TNFRSF10A: variants seen among roughly 807,000 people sequenced by gnomAD.
The protein encoded by TNFRSF10A is tumor necrosis factor receptor superfamily member 10A.
Under a neutral mutation model 42.8 loss-of-function variants are expected in TNFRSF10A, and 44 were observed. The ratio of observed to expected loss-of-function variants is 1.03; its 90% CI spans 0.81 to 1.32. TNFRSF10A has a LOEUF of 1.32. TNFRSF10A is among the 40% of genes most tolerant of loss of function. TNFRSF10A has a pLI of 0.00. For missense variants in TNFRSF10A, 680 were observed against 602.0 expected, an observed-to-expected ratio of 1.13 and a Z score of -1.36; for synonymous variants, 259 against 234.2, an observed-to-expected ratio of 1.11 and a Z score of -0.97.
chr8:23,201,775 A>T, intron 4 of TNFRSF10A, 33 bp downstream of exon 4: 1 of 1,597,478 alleles, frequency 6.3e-7, no homozygotes, highest in Non-Finnish European at 8.6e-7. Flanking sequence ...GGGTTCTTTG[A>T]GGCTGCTGGG....
intron 2 of TNFRSF10A, chr8:23,206,875 T>A (rs535276294): frequency 8.2e-6 from 2 of 245,292 alleles, no homozygotes; most frequent in Admixed American, 4.3e-5. Context: ...AGATTTTGAC[T>A]TAGTTATCAA....
At chr8:23,215,422 C>G (rs1244647364) in intron 1 of TNFRSF10A, among the ~76,000 whole-genome samples, 2 of 152,088 alleles carry the variant, frequency 1.3e-5, no homozygotes, top group Non-Finnish European at 2.9e-5. Flanking sequence ...GCAGGAGAAT[C>G]ACTTGAACCC....
Position 23,223,088 on chromosome 8 carries a change from C to A in TNFRSF10A, c.306+1668G>T, listed in dbSNP as rs138273504. On this transcript the variant is annotated intron_variant, in intron 1 of 9. Transcript: ENST00000221132. ...TTTTTATTTTTTTTCTTTTCCGAAA[C>A]GGAGTCTCCCTCTGTCGCCCAGGCT... is the stretch of plus-strand genomic sequence containing the variant. Among the ~76,000 whole-genome samples, 149 of 152,250 alleles carry A rather than the reference C, an allele frequency of 9.8e-4. 1 individual carries two copies. In the East Asian group the frequency reaches 0.022, roughly 23 times the overall value.
intron 1 of TNFRSF10A, among the ~76,000 whole-genome samples, chr8:23,215,300 G>A (rs1453678620): frequency 6.6e-6 from 1 of 152,122 alleles, no homozygotes. Flanking sequence ...GCGACCACCT[G>A]AGGTCAGGAG....
At chr8:23,203,302 A>G (rs1184383167) in intron 2 of TNFRSF10A, among the ~76,000 whole-genome samples, 1 of 152,186 alleles carries the variant, frequency 6.6e-6, no homozygotes, top group Non-Finnish European at 1.5e-5. Context: ...GGTCAGTAGA[A>G]GGTACAAACA....
chr8:23,197,135 C>T lies in TNFRSF10A; in HGVS notation c.1084G>A (p.Glu362Lys). 6.2e-7 allele frequency: 1 copy of T among 1,614,194 alleles called. No homozygotes were observed. Among genetic ancestry groups the T allele is most frequent in the Non-Finnish European group, 8.5e-7 (1 of 1,180,012 alleles). The part of the protein sequence containing the change: ...LVPANGADPT[E>K]TLMLFFDKFA... ...TCTCCAGGAGCAAAACACTTACTCT[C>T]AGTGGGGTCAGCACCATTTGCTGGA... Residue 362 changes from glutamate to lysine, a missense_variant, in exon 9 of 10, where the codon GAG becomes AAG. By Grantham distance (56) the Glu-to-Lys change is moderately conservative. Coordinates refer to ENST00000221132, the MANE Select transcript of TNFRSF10A (RefSeq NM_003844.4).
rs1482174117 is a variant in TNFRSF10A, at chr8:23,224,907, C to T, written c.155G>A (p.Arg52Gln). 6.3e-7 allele frequency: 1 copy of T among 1,595,302 alleles called. No homozygotes were observed. The highest frequency in any genetic ancestry group is 1.1e-5 in the South Asian group (1 of 88,418). Residue 52 changes from arginine (R) to glutamine (Q), a missense_variant, in exon 1 of 10, where the codon CGA (arginine) becomes CAA (glutamine). Coordinates refer to ENST00000221132, the MANE Select transcript of TNFRSF10A (RefSeq NM_003844.4). ...TCCCATGGAGGTAGGGAGCGCTCCT[C>T]GGCCCCCGCCTCGTGGTTCAATCCT... ...AGRIEPRGGG[R>Q]GALPTSMGQH...
intron 2 of TNFRSF10A, 92 bp downstream of exon 2, chr8:23,212,024 T>A: frequency 2.7e-6 from 3 of 1,131,818 alleles, no homozygotes; most frequent in Non-Finnish European, 2.6e-6. Flanking sequence ...GGAAAAGGAA[T>A]GTTATTGATG....
rs1363491670 is a variant in TNFRSF10A at position 23,199,501 on chromosome 8, G to T, written c.832-53C>A. ...AGCCCACACCCAGGGCTCCCCACGG[G>T]GTCCGTAGGGCACGGCTGGACCTGC... On this transcript the variant is annotated intron_variant, in intron 7 of 9. Transcript: ENST00000221132. The T allele has an allele frequency of 7.6e-6, 12 of 1,587,136 alleles. No homozygotes were observed. In the East Asian group the frequency reaches 1.1e-4, roughly 15 times the overall value.
chr8:23,224,638 G>T, intron 1 of TNFRSF10A, 118 bp downstream of exon 1: 1 of 1,334,604 alleles, frequency 7.5e-7, no homozygotes, highest in Non-Finnish European at 1.0e-6. Flanking sequence ...CCTCCTGCCC[G>T]GACATGCCCC....
At chr8:23,205,288 T>C (rs1563381190) in intron 2 of TNFRSF10A, among the ~76,000 whole-genome samples, 1 of 152,128 alleles carries the variant, frequency 6.6e-6, no homozygotes, top group Non-Finnish European at 1.5e-5. Context: ...CATAATATTA[T>C]AATGGAGGAG....
At chr8:23,204,927 T>C (rs1800983943) in intron 2 of TNFRSF10A, among the ~76,000 whole-genome samples, 1 of 152,036 alleles carries the variant, frequency 6.6e-6, no homozygotes, top group South Asian at 2.1e-4. Context: ...AAATTGTCTA[T>C]TAAGGAAGAA....
chr8:23,210,863 T>G (rs1388614954), intron 2 of TNFRSF10A, among the ~76,000 whole-genome samples: 1 of 152,052 alleles, frequency 6.6e-6, no homozygotes, highest in Non-Finnish European at 1.5e-5. Context: ...TTTTACTAAC[T>G]CCAACACCCT....
intron 1 of TNFRSF10A, among the ~76,000 whole-genome samples, chr8:23,218,161 T>TGC (rs1801210906): frequency 6.6e-6 from 1 of 150,538 alleles, no homozygotes; most frequent in Non-Finnish European, 1.5e-5. Context: ...TGTGTTTGTG[T>TGC]GTGTGAGAGA....
intron 2 of TNFRSF10A, 142 bp from the exon 3 acceptor site, chr8:23,202,903 A>G (rs1800954662): frequency 1.6e-5 from 10 of 610,318 alleles, no homozygotes; most frequent in South Asian, 1.5e-4. Context: ...CTTGTCGTCA[A>G]TTCTGCATCT....
intron 7 of TNFRSF10A, 71 bp from the exon 8 acceptor site, chr8:23,199,519 G>A: frequency 1.3e-6 from 2 of 1,551,416 alleles, no homozygotes; most frequent in Non-Finnish European, 1.8e-6. Context: ...GGGCACGGCT[G>A]GACCTGCTGC....
chr8:23,208,730 A>C (rs1415270402), intron 2 of TNFRSF10A, among the ~76,000 whole-genome samples: 2 of 152,220 alleles, frequency 1.3e-5, no homozygotes, highest in Non-Finnish European at 2.9e-5. Flanking sequence ...TGCTGGGATT[A>C]CACGCATGAG....
At chr8:23,196,975 G>A (rs995930461) in intron 9 of TNFRSF10A, among the ~76,000 whole-genome samples, 157 bp downstream of exon 9, 7 of 152,156 alleles carry the variant, frequency 4.6e-5, no homozygotes, top group South Asian at 4.1e-4. Context: ...GAAGAGATGG[G>A]AGAAGACAAT....
At chr8:23,213,957 T>C (rs541771996) in intron 1 of TNFRSF10A, among the ~76,000 whole-genome samples, 28 of 147,180 alleles carry the variant, frequency 1.9e-4, no homozygotes, top group Middle Eastern at 3.4e-3. Flanking sequence ...CTGCTTTTTG[T>C]TGTTGTTGTT....
Sources: gnomAD v4.1 joint callset for allele counts (sites outside exome capture counted in the v4.1 genomes callset) on GRCh38, gnomAD v4.1.1 for gene constraint, MANE v1.5 for transcripts, NCBI Gene and HGNC (gene_info 2026-07-23, HGNC 2026-07-21) for gene names.